PLET1: variants seen among roughly 807,000 people sequenced by gnomAD.
PLET1 encodes placenta expressed transcript 1.
PLET1 carries 20 observed loss-of-function variants against 18.5 expected under a neutral mutation model. The ratio of observed to expected loss-of-function variants is 1.08; its 90% CI spans 0.76 to 1.57. The LOEUF (loss-of-function observed/expected upper bound fraction) is 1.57. Among genes scored for constraint, PLET1 ranks in the 40% most tolerant of loss-of-function variants. The pLI is 0.00. For synonymous variants in PLET1, 93 were observed against 93.8 expected, an observed-to-expected ratio of 0.99 and a Z score of 0.05; for missense variants, 256 against 246.4, an observed-to-expected ratio of 1.04 and a Z score of -0.26.
chr11:112,255,343 A>G (rs111459975), intron 2 of PLET1, 45 bp downstream of exon 2: 20 of 1,523,860 alleles, frequency 1.3e-5, no homozygotes, highest in African/African-American at 8.3e-5. Context: ...CATAAACCCA[A>G]TATGAAAATT....
chr11:112,252,414 G>A lies in PLET1; in HGVS notation c.387-5C>T. On this transcript the variant is annotated splice_region_variant and splice_polypyrimidine_tract_variant and intron_variant, in intron 2 of 3. Coordinates refer to ENST00000338832, the MANE Select transcript of PLET1 (RefSeq NM_001145024.1). ...CTGATCTGGACAGTGAAAGCTCTGT[G>A]GAGGGCAAATCAATGAGAGATAATG... 1.3e-6 allele frequency: 2 copies of A among 1,550,552 alleles called. No individual in the cohort carries two copies. Among genetic ancestry groups the A allele is most frequent in the Non-Finnish European group, 1.7e-6 (2 of 1,145,974 alleles).
intron 1 of PLET1, among the ~76,000 whole-genome samples, chr11:112,257,251 C>T (rs1200455026): frequency 1.3e-5 from 2 of 152,200 alleles, no homozygotes; most frequent in Non-Finnish European, 2.9e-5. Flanking sequence ...CCTTGCTCAC[C>T]TCTGGCTGCC....
rs372338772 is a variant in PLET1 at position 112,257,583 on chromosome 11, A to C, written c.185-1994T>G. On this transcript the variant is annotated intron_variant, in intron 1 of 3. Coordinates refer to ENST00000338832, the MANE Select transcript of PLET1 (RefSeq NM_001145024.1). ...TTAAAGTTCAGCAAGAAAAGCAAGC[A>C]AATCACATCCCTCTTGCCCATAGAA... is the stretch of plus-strand genomic sequence containing the variant. Among the ~76,000 whole-genome samples, 20 of 152,230 alleles carry C rather than the reference A, an allele frequency of 1.3e-4. No individual in the cohort carries two copies. In the East Asian group the frequency reaches 2.9e-3, roughly 22 times the overall value.
At chr11:112,254,601 G>T (rs1860194340) in intron 2 of PLET1, among the ~76,000 whole-genome samples, 1 of 129,282 alleles carries the variant, frequency 7.7e-6, no homozygotes, top group Admixed American at 8.2e-5. Flanking sequence ...GAGTGCGTAT[G>T]GCATGTGTGT....
At chr11:112,254,211 GTGTGTGTGA>G (rs1860186580) in intron 2 of PLET1, among the ~76,000 whole-genome samples, 4 of 149,366 alleles carry the variant, frequency 2.7e-5, no homozygotes, top group Non-Finnish European at 6.0e-5. Context: ...GTGTGTGTGT[GTGTGTGTGA>G]AAAGGGGGTA....
At chr11:112,254,974 GGT>G (rs763112807) in intron 2 of PLET1, among the ~76,000 whole-genome samples, 3,343 of 32,704 alleles carry the variant, frequency 0.1, 71 homozygotes, top group Non-Finnish European at 0.18. Context: ...ATGTGAGTGT[GGT>G]GTGTGTGTGA....
intron 3 of PLET1, among the ~76,000 whole-genome samples, chr11:112,251,349 T>A (rs1860153312): frequency 6.6e-6 from 1 of 151,360 alleles, no homozygotes; most frequent in Non-Finnish European, 1.5e-5. Flanking sequence ...TTTGGGAGGC[T>A]GAGGTGGGTG....
Position 112,252,180 on chromosome 11 carries a change from C to T in PLET1, c.448+168G>A, listed in dbSNP as rs139621008. Reference sequence around the variant, plus strand: ...TTGTTTTCTAAAGGACATGGGACAACGGGTTGGGCAAATATTCTATAGGTC... The same window carrying T: ...TTGTTTTCTAAAGGACATGGGACAATGGGTTGGGCAAATATTCTATAGGTC... On this transcript the variant is annotated intron_variant, in intron 3 of 3. Transcript: ENST00000338832. Among the ~76,000 whole-genome samples, 979 of 152,214 alleles carry T rather than the reference C, an allele frequency of 6.4e-3. 3 individuals are homozygous for T. The highest frequency in any genetic ancestry group is 0.021 in the African/African-American group (865 of 41,528).
chr11:112,249,243 G>T (rs919678756), intron 3 of PLET1, among the ~76,000 whole-genome samples: 1 of 152,194 alleles, frequency 6.6e-6, no homozygotes, highest in Non-Finnish European at 1.5e-5. Flanking sequence ...ATGAGGTGGA[G>T]ACCTATTGAA....
chr11:112,259,269 T>C (rs1476100918), intron 1 of PLET1, among the ~76,000 whole-genome samples: 1 of 152,196 alleles, frequency 6.6e-6, no homozygotes, highest in Non-Finnish European at 1.5e-5. Context: ...CTGGTTCATA[T>C]CTTACCTTCA....
At position 112,248,658 on chromosome 11, in the gene PLET1, T is replaced by C. The variant is rs1015075540; in HGVS notation, c.*141A>G. The C allele has an allele frequency of 3.2e-6, 3 of 925,682 alleles. No homozygotes were observed. In the African/African-American group the frequency reaches 5.0e-5, roughly 16 times the overall value. The allele number at this position is 925,682 out of a possible 1,614,324, so 57.3% of individuals were successfully genotyped here. A position where few individuals can be genotyped will look rare whatever the true frequency, so the allele number is the denominator to read the frequency against. ...AATGAGTGCCTCCAGATCTTTGTTT[T>C]GGTCTGAAGCCGTGGCAGCAAAGTT... On this transcript the variant is annotated 3_prime_UTR_variant, in exon 4 of 4. Transcript: ENST00000338832.
At position 112,249,362 on chromosome 11, in the gene PLET1, A is replaced by G. The variant is rs867811465; in HGVS notation, c.449-388T>C. On this transcript the variant is annotated intron_variant, in intron 3 of 3. Coordinates refer to ENST00000338832, the MANE Select transcript of PLET1 (RefSeq NM_001145024.1). ...TGCAAATATGATCCAGAATGACACA[A>G]TGTTATTTTCTTCTTGTGAATTTCA... Among the ~76,000 whole-genome samples, 7 of 152,206 alleles carry G rather than the reference A, an allele frequency of 4.6e-5. No individual in the cohort carries two copies. The Middle Eastern group carries it at 0.01, about 222-fold the overall frequency.
chr11:112,252,334 G>T lies in PLET1; in HGVS notation c.448+14C>A. ...TCATTGCAAGACTTGCAAATGGGCT[G>T]CAAAGGAACTCACGTTTTTCTCTTA... On this transcript the variant is annotated intron_variant, in intron 3 of 3. Coordinates refer to ENST00000338832, the MANE Select transcript of PLET1 (RefSeq NM_001145024.1). The T allele has an allele frequency of 4.5e-6, 7 of 1,547,196 alleles. No individual in the cohort carries two copies. The South Asian group carries it at 6.0e-5, about 13-fold the overall frequency.
At chr11:112,250,220 CTTTTTTTTTTTTTT>C (rs33963716) in intron 3 of PLET1, among the ~76,000 whole-genome samples, 1 of 49,860 alleles carries the variant, frequency 2.0e-5, no homozygotes, top group Non-Finnish European at 3.4e-5. Flanking sequence ...AGAAACAAAC[CTTTTTTTTTTTTTT>C]TTTTTTTTTT....
intron 1 of PLET1, among the ~76,000 whole-genome samples, chr11:112,257,909 A>G (rs777022877): frequency 1.3e-5 from 2 of 152,234 alleles, no homozygotes; most frequent in African/African-American, 2.4e-5. Context: ...CTGCAAGGCA[A>G]TCGTGGAGCC....
rs780278615 is a variant in PLET1 at position 112,248,179 on chromosome 11, A to G, written c.*620T>C. On this transcript the variant is annotated 3_prime_UTR_variant, in exon 4 of 4. Coordinates refer to ENST00000338832, the MANE Select transcript of PLET1 (RefSeq NM_001145024.1). The stretch of plus-strand genomic sequence containing the variant: ...CACATTCATTATTCTTGTTTAAAGT[A>G]TAATTTATTTGTTGTGACAAAAATG... Among the ~76,000 whole-genome samples the G allele has an allele frequency of 6.6e-6, 1 of 152,342 alleles. No homozygotes were observed. Among genetic ancestry groups the G allele is most frequent in the African/African-American group, 2.4e-5 (1 of 41,560 alleles).
intron 2 of PLET1, among the ~76,000 whole-genome samples, chr11:112,252,797 C>G (rs768000718): frequency 1.3e-5 from 2 of 152,214 alleles, no homozygotes; most frequent in Admixed American, 6.5e-5. Flanking sequence ...GCATGATGCT[C>G]TGTTGCACTG....
At chr11:112,256,368 A>T (rs1347329515) in intron 1 of PLET1, among the ~76,000 whole-genome samples, 1 of 152,156 alleles carries the variant, frequency 6.6e-6, no homozygotes, top group East Asian at 1.9e-4. Flanking sequence ...CTTCTCCTTA[A>T]CCAAGTGAAG....
Position 112,248,882 on chromosome 11 carries a change from A to G in PLET1, c.541T>C (p.Leu181=), listed in dbSNP as rs546102505. 60 of 1,551,624 alleles carry G rather than the reference A, an allele frequency of 3.9e-5. No homozygotes were observed. The African/African-American group carries it at 7.4e-4, about 19-fold the overall frequency. ...GGGCTGCTGAAGACTTGGTTGGCCA[A>G]GCCTTCGAGTCTGATACTCTTGGGT... ...ITPKSIRLEG[L]ANQVFSSPIT... The change falls in exon 4 of 4, where the codon TTG becomes CTG. Residue 181 remains leucine (L), a synonymous_variant. Coordinates refer to ENST00000338832, the MANE Select transcript of PLET1 (RefSeq NM_001145024.1).
Sources: gnomAD v4.1 joint callset for allele counts (sites outside exome capture counted in the v4.1 genomes callset) on GRCh38, gnomAD v4.1.1 for gene constraint, MANE v1.5 for transcripts, NCBI Gene and HGNC (gene_info 2026-07-23, HGNC 2026-07-21) for gene names.